NBPF19: variants seen among roughly 807,000 people sequenced by gnomAD.
NBPF19 encodes the protein NBPF member 19.
NBPF19 carries 30 observed loss-of-function variants against 45.9 expected under a neutral mutation model. That is an observed-to-expected ratio of 0.65 (90% CI 0.49 to 0.89). The LOEUF (loss-of-function observed/expected upper bound fraction) is 0.89. Among genes scored for constraint, NBPF19 ranks in the 40% least tolerant of loss-of-function variants. The pLI, the probability that NBPF19 is intolerant of heterozygous loss-of-function variation, is 0.00. For synonymous variants in NBPF19, 183 were observed against 181.2 expected (o/e 1.01, Z -0.08); for missense variants, 495 against 471.8 (o/e 1.05, Z -0.46).
At position 149,554,501 on chromosome 1, in the gene NBPF19, C is replaced by G; in HGVS notation, c.11295C>G (p.Asn3765Lys). The change falls in exon 94 of 94, where the codon AAC (asparagine) becomes AAG (lysine). Residue 3765 changes from asparagine to lysine, a missense_variant. Transcript: ENST00000651566. Reference protein sequence around the residue: ...EDQNPPCPRLNSVLMEVEEPE... With the variant: ...EDQNPPCPRLKSVLMEVEEPE... ...GTTTTGTCTCCTTTTCCAGGCTCAA[C>G]AGCGTGCTGATGGAAGTGGAAGAGC... 1 of 1,608,164 alleles carries G rather than the reference C, an allele frequency of 6.2e-7. No homozygotes were observed. The highest frequency in any genetic ancestry group is 8.5e-7 in the Non-Finnish European group (1 of 1,176,714).
chr1:149,487,024 C>T (rs2085561720), intron 8 of NBPF19, among the ~76,000 whole-genome samples: 1 of 150,628 alleles, frequency 6.6e-6, no homozygotes, highest in Non-Finnish European at 1.5e-5. Context: ...AGTATCTCTC[C>T]TATGAGGTGT....
intron 9 of NBPF19, among the ~76,000 whole-genome samples, chr1:149,487,719 G>C (rs1444177277): frequency 1.3e-5 from 2 of 149,958 alleles, no homozygotes; most frequent in African/African-American, 2.5e-5. Flanking sequence ...CACAAATACA[G>C]AGTGTCCTTT....
chr1:149,554,524 A>T lies in NBPF19; in HGVS notation c.11318A>T (p.Glu3773Val). 1.4e-5 allele frequency: 23 copies of T among 1,608,202 alleles called. No homozygotes were observed. In the South Asian group the frequency reaches 2.2e-4, roughly 15 times the overall value. Residue 3773 changes from glutamate (E) to valine (V), a missense_variant, in exon 94 of 94, where the codon GAG becomes GTG. Physicochemically the swap from Glu to Val is moderately radical, Grantham distance 121. This residue lies in a region of NBPF19 where 248 missense variants were observed against 95.4 expected (regional missense o/e 2.60). Transcript: ENST00000651566. ...AACAGCGTGCTGATGGAAGTGGAAG[A>T]GCCTGAAGTCTTACAGGACTCACTG... ...RLNSVLMEVE[E>V]PEVLQDSLDG...
intron 61 of NBPF19, among the ~76,000 whole-genome samples, chr1:149,528,831 C>G (rs1294482376): frequency 8.3e-6 from 1 of 120,366 alleles, no homozygotes; most frequent in Non-Finnish European, 1.7e-5. Context: ...TTATTGAGCA[C>G]AGTCTTTTCA....
chr1:149,478,064 G>T lies in NBPF19; in HGVS notation c.278+17G>T. 2 of 1,568,310 alleles carry T rather than the reference G, an allele frequency of 1.3e-6. 1 individual carries two copies. Among genetic ancestry groups the T allele is most frequent in the East Asian group, 4.5e-5 (2 of 44,706 alleles). ...GGAGCTCAGGTGAGGGGACCCCGTGGGGGGAGGGCAGGCGGGTAGGTGTGT... is the reference window on the plus strand; with the variant it reads ...GGAGCTCAGGTGAGGGGACCCCGTGTGGGGAGGGCAGGCGGGTAGGTGTGT... On this transcript the variant is annotated intron_variant, in intron 3 of 93. Coordinates refer to ENST00000651566, the MANE Select transcript of NBPF19 (RefSeq NM_001351365.2).
rs1348227023 is a variant in NBPF19 at position 149,554,603 on chromosome 1, GCACTA to G, written c.11400_11404del (p.His3800GlnfsTer8). On this transcript the variant is annotated frameshift_variant, in exon 94 of 94. Coordinates refer to ENST00000651566, the MANE Select transcript of NBPF19 (RefSeq NM_001351365.2). LOFTEE classifies it low-confidence loss of function (END_TRUNC). ...ACTTTGAACTACCTGACTCATTCCA[GCACTA>G]CAGAAGTGTGTTTTACTCATTTGAG... The G allele has an allele frequency of 1.2e-6, 2 of 1,608,156 alleles. No homozygotes were observed. Among genetic ancestry groups the G allele is most frequent in the African/African-American group, 2.7e-5 (2 of 74,640 alleles).
In NBPF19 at chr1:149,555,054, C is replaced by G; in HGVS notation, c.*316C>G. The G allele has an allele frequency of 2.3e-6, 1 of 435,174 alleles. No individual in the cohort carries two copies. The highest frequency in any genetic ancestry group is 2.3e-5 in the South Asian group (1 of 44,166). 27.0% of individuals were successfully genotyped at this position (435,174 alleles called of 1,614,324 possible). On this transcript the variant is annotated 3_prime_UTR_variant, in exon 94 of 94. Coordinates refer to ENST00000651566, the MANE Select transcript of NBPF19 (RefSeq NM_001351365.2). ...GGGATTTCATTTTGCAGGCATGTCTCTGAGCTTCTATACCTGCTCAAGGTC... is the reference window on the plus strand; with the variant it reads ...GGGATTTCATTTTGCAGGCATGTCTGTGAGCTTCTATACCTGCTCAAGGTC...
chr1:149,487,803 G>GTGTGTGTGTT (rs1553710668), intron 9 of NBPF19, among the ~76,000 whole-genome samples: 7 of 149,016 alleles, frequency 4.7e-5, no homozygotes, highest in African/African-American at 1.5e-4. Flanking sequence ...GTGTGTGTGT[G>GTGTGTGTGTT]TGTGTGTGTG....
intron 2 of NBPF19, among the ~76,000 whole-genome samples, chr1:149,477,501 T>C (rs1470259626): frequency 2.0e-5 from 3 of 151,292 alleles, no homozygotes; most frequent in Non-Finnish European, 4.4e-5. Context: ...TTAAAGTCCT[T>C]GACATATTTG....
At position 149,554,504 on chromosome 1, in the gene NBPF19, C is replaced by A. The variant is rs1187854224; in HGVS notation, c.11298C>A (p.Ser3766Arg). 13 of 1,607,938 alleles carry A rather than the reference C, an allele frequency of 8.1e-6. No individual in the cohort carries two copies. The highest frequency in any genetic ancestry group is 1.0e-5 in the Non-Finnish European group (12 of 1,176,678). ...TTGTCTCCTTTTCCAGGCTCAACAG[C>A]GTGCTGATGGAAGTGGAAGAGCCTG... ...DQNPPCPRLNSVLMEVEEPEV... is the reference protein window; with the variant it reads ...DQNPPCPRLNRVLMEVEEPEV... The change falls in exon 94 of 94, where the codon AGC (serine) becomes AGA (arginine). Residue 3766 changes from serine (S) to arginine (R), a missense_variant. Transcript: ENST00000651566.
Position 149,487,638 on chromosome 1 carries a change from T to G in NBPF19, c.1040+255T>G, listed in dbSNP as rs1247300353. On this transcript the variant is annotated intron_variant, in intron 9 of 93. Transcript: ENST00000651566. ...ATTCTCATGGTAACTGCAGGGAAAC[T>G]TGAGCACATTTTATGCAAAATTATT... is the stretch of plus-strand genomic sequence containing the variant. Among the ~76,000 whole-genome samples, 1,388 of 150,574 alleles carry G rather than the reference T, an allele frequency of 9.2e-3. 41 individuals are homozygous for G. Among genetic ancestry groups the G allele is most frequent in the African/African-American group, 0.032 (1,313 of 41,016 alleles).
intron 43 of NBPF19, among the ~76,000 whole-genome samples, 169 bp from the exon 44 acceptor site, chr1:149,514,767 C>T: frequency 1.5e-5 from 1 of 65,104 alleles, no homozygotes; most frequent in African/African-American, 5.2e-5. Context: ...CATTCTTTTC[C>T]ATTTGGCCCT....
At position 149,479,146 on chromosome 1, in the gene NBPF19, T is replaced by C. The variant is rs1272440191; in HGVS notation, c.493+52T>C. On this transcript the variant is annotated intron_variant, in intron 4 of 93. Coordinates refer to ENST00000651566, the MANE Select transcript of NBPF19 (RefSeq NM_001351365.2). The stretch of plus-strand genomic sequence containing the variant: ...CCAAAACCCCAGGCTTATGAGAGGC[T>C]CCAGACCTCCATACTTTCACAATGA... The C allele has an allele frequency of 1.9e-6, 3 of 1,540,884 alleles. No individual in the cohort carries two copies. The African/African-American group carries it at 4.1e-5, about 21-fold the overall frequency.
chr1:149,554,870 A>C lies in NBPF19; in HGVS notation c.*132A>C. The C allele has an allele frequency of 6.7e-7, 1 of 1,499,152 alleles. No individual in the cohort carries two copies. The highest frequency in any genetic ancestry group is 9.1e-7 in the Non-Finnish European group (1 of 1,103,586). 92.9% of individuals were successfully genotyped at this position (1,499,152 alleles called of 1,614,324 possible). A position where few individuals can be genotyped will look rare whatever the true frequency, so the allele number is the denominator to read the frequency against. On this transcript the variant is annotated 3_prime_UTR_variant, in exon 94 of 94. Coordinates refer to ENST00000651566, the MANE Select transcript of NBPF19 (RefSeq NM_001351365.2). ...GGTCAGTGGGCATGGCTCTTTTCCTATTCTCAAACCATGCCAGTGGCAACC... is the reference window on the plus strand; with the variant it reads ...GGTCAGTGGGCATGGCTCTTTTCCTCTTCTCAAACCATGCCAGTGGCAACC...
At chr1:149,487,983 C>T (rs1342282715) in intron 9 of NBPF19, 30 bp from the exon 10 acceptor site, 7 of 692,526 alleles carry the variant, frequency 1.0e-5, no homozygotes, top group African/African-American at 3.7e-5. Flanking sequence ...TTCCCCCTGG[C>T]TTATTCTTTA....
intron 3 of NBPF19, among the ~76,000 whole-genome samples, chr1:149,478,308 A>G (rs1228748381): frequency 6.0e-5 from 9 of 151,254 alleles, no homozygotes; most frequent in Admixed American, 1.3e-4. Context: ...AAATTCACCA[A>G]AGGAGTGGGA....
chr1:149,477,140 C>T (rs1468874008), intron 2 of NBPF19, among the ~76,000 whole-genome samples: 5 of 149,242 alleles, frequency 3.4e-5, no homozygotes, highest in African/African-American at 1.2e-4. Flanking sequence ...AGTTGCTTGT[C>T]TTGTCTGTCC....
At position 149,556,058 on chromosome 1, in the gene NBPF19, A is replaced by G. The variant is rs2087242582; in HGVS notation, c.*1320A>G. On this transcript the variant is annotated 3_prime_UTR_variant, in exon 94 of 94. Transcript: ENST00000651566. ...CTAATGATCATCCTCTAAACATTTT[A>G]TCATTTATTAATCCTCCCTGCCTGT... 1 of 146,422 alleles carries G rather than the reference A, an allele frequency of 6.8e-6. No homozygotes were observed. Among genetic ancestry groups the G allele is most frequent in the Non-Finnish European group, 1.5e-5 (1 of 66,378 alleles). 9.1% of individuals were successfully genotyped at this position (146,422 alleles called of 1,614,324 possible).
chr1:149,479,211 G>A (rs1210830326), intron 4 of NBPF19, 117 bp downstream of exon 4: 2 of 1,412,556 alleles, frequency 1.4e-6, no homozygotes, highest in Non-Finnish European at 2.0e-6. Flanking sequence ...ACACCTATGT[G>A]GCCATGACAT....
Sources: allele counts gnomAD v4.1 joint callset (sites outside exome capture counted in the v4.1 genomes callset), GRCh38; gene constraint gnomAD v4.1.1; regional missense constraint gnomAD v4.1.1; transcripts MANE v1.5; gene names NCBI Gene and HGNC (gene_info 2026-07-23, HGNC 2026-07-21).